CSMD1: variants seen among roughly 807,000 people sequenced by gnomAD.
CSMD1 encodes the protein CUB and sushi domain-containing protein 1.
Under a neutral mutation model 417.5 loss-of-function variants are expected in CSMD1, and 213 were observed. The observed-to-expected ratio is 0.51, with a 90% CI of 0.46 to 0.57. The LOEUF is 0.57. CSMD1 is among the 20% of genes least tolerant of loss of function. CSMD1 has a pLI of 0.00. For missense variants in CSMD1, 6,923 were observed against 4,529.7 expected (o/e 1.53, Z -15.17); for synonymous variants, 2,862 against 1,736.8 (o/e 1.65, Z -16.11).
chr8:4,453,837 T>TTTG, intron 2 of CSMD1, among the ~76,000 whole-genome samples: 1 of 138,816 alleles, frequency 7.2e-6, no homozygotes, highest in Non-Finnish European at 1.5e-5. Flanking sequence ...TTTTTTTTTT[T>TTTG]TTGAGACAGA....
At position 4,288,893 on chromosome 8, in the gene CSMD1, A is replaced by G. The variant is rs57290983; in HGVS notation, c.415+131060T>C. On this transcript the variant is annotated intron_variant, in intron 3 of 69. Transcript: ENST00000635120. ...TTTTAAGAGTAAATATTAGTTACTT[A>G]ACAACTACTTTTAAAGTCCTCATTC... 3.1e-3 allele frequency among the ~76,000 whole-genome samples: 474 copies of G among 152,314 alleles called. 3 individuals carry two copies. Among genetic ancestry groups the G allele is most frequent in the African/African-American group, 0.011 (447 of 41,560 alleles).
At chr8:3,750,466 GTTGTC>G (rs1415090146) in intron 6 of CSMD1, among the ~76,000 whole-genome samples, 2 of 151,772 alleles carry the variant, frequency 1.3e-5, no homozygotes, top group Admixed American at 6.6e-5. Flanking sequence ...AATTATTATT[GTTGTC>G]TTATTAGTCC....
chr8:4,416,198 A>T (rs1238856601), intron 3 of CSMD1, among the ~76,000 whole-genome samples: 1 of 152,182 alleles, frequency 6.6e-6, no homozygotes, highest in Non-Finnish European at 1.5e-5. Context: ...CACTGTTTTG[A>T]TTCAGAGCTG....
At chr8:4,916,178 T>C (rs376371063) in intron 1 of CSMD1, among the ~76,000 whole-genome samples, 2 of 152,014 alleles carry the variant, frequency 1.3e-5, no homozygotes, top group Admixed American at 6.6e-5. Flanking sequence ...GAAAGTAGAG[T>C]CCTCTCCATG....
chr8:3,678,668 A>T (rs1414117465), intron 7 of CSMD1, among the ~76,000 whole-genome samples: 1 of 152,158 alleles, frequency 6.6e-6, no homozygotes, highest in African/African-American at 2.4e-5. Context: ...CAACATGCAA[A>T]TTCAGGAAAC....
At chr8:3,221,783 G>C (rs891705830) in intron 28 of CSMD1, among the ~76,000 whole-genome samples, 1 of 151,960 alleles carries the variant, frequency 6.6e-6, no homozygotes, top group African/African-American at 2.4e-5. Context: ...CAATCCACAG[G>C]GACGTGTAAT....
rs991195326 is a variant in CSMD1, at chr8:3,294,437, C to T, written c.3951-10091G>A. 2.0e-5 allele frequency among the ~76,000 whole-genome samples: 3 copies of T among 152,322 alleles called. No individual in the cohort carries two copies. The East Asian group carries it at 5.8e-4, about 29-fold the overall frequency. The stretch of plus-strand genomic sequence containing the variant: ...CCTGCAGAGGTGGAGTCTACAGAGG[C>T]AGGCAGGCTTCCTTGAGCTGTGGTG... On this transcript the variant is annotated intron_variant, in intron 25 of 69. Transcript: ENST00000635120.
At chr8:4,861,350 T>C (rs1436877344) in intron 1 of CSMD1, among the ~76,000 whole-genome samples, 1 of 152,108 alleles carries the variant, frequency 6.6e-6, no homozygotes, top group African/African-American at 2.4e-5. Flanking sequence ...CATTTCAGGC[T>C]TTATGGGTTC....
chr8:4,132,136 A>G (rs934505486), intron 3 of CSMD1, among the ~76,000 whole-genome samples: 2 of 151,764 alleles, frequency 1.3e-5, no homozygotes, highest in East Asian at 1.9e-4. Context: ...AGTAAGAACG[A>G]CATTTCTACA....
chr8:4,499,617 A>C (rs1260635426), intron 2 of CSMD1, among the ~76,000 whole-genome samples: 1 of 152,254 alleles, frequency 6.6e-6, no homozygotes, highest in Non-Finnish European at 1.5e-5. Flanking sequence ...AGTGGAATAC[A>C]TTATTACTTC....
chr8:4,056,328 C>A (rs1330891705), intron 3 of CSMD1, among the ~76,000 whole-genome samples: 1 of 151,622 alleles, frequency 6.6e-6, no homozygotes, highest in East Asian at 1.9e-4. Context: ...GGTGATCCAC[C>A]CGCGTCAGCC....
intron 1 of CSMD1, among the ~76,000 whole-genome samples, chr8:4,724,319 C>G (rs1246405890): frequency 6.6e-6 from 1 of 152,030 alleles, no homozygotes; most frequent in Non-Finnish European, 1.5e-5. Flanking sequence ...ATCTATATCA[C>G]TACTGATTAT....
At position 4,392,954 on chromosome 8, in the gene CSMD1, G is replaced by T. The variant is rs182254552; in HGVS notation, c.415+26999C>A. ...ACTGCACTCCAGACTGGGCAACACG[G>T]TGGGACACTGTGTCAAAAATAAAAA... On this transcript the variant is annotated intron_variant, in intron 3 of 69. Transcript: ENST00000635120. Among the ~76,000 whole-genome samples, 64 of 152,074 alleles carry T rather than the reference G, an allele frequency of 4.2e-4. 3 individuals carry two copies. The East Asian group carries it at 0.012, about 29-fold the overall frequency.
intron 3 of CSMD1, among the ~76,000 whole-genome samples, chr8:4,379,449 G>C (rs566153293): frequency 6.6e-6 from 1 of 152,168 alleles, no homozygotes; most frequent in African/African-American, 2.4e-5. Flanking sequence ...AGTTAATAAT[G>C]CTGTGTCAAC....
At chr8:3,097,132 G>C in intron 46 of CSMD1, 95 bp from the exon 47 acceptor site, 6 of 1,033,316 alleles carry the variant, frequency 5.8e-6, no homozygotes, top group Non-Finnish European at 8.1e-6. Context: ...GTCAATGAAA[G>C]GAAAAAGCAA....
chr8:4,071,826 T>C (rs1812570), intron 3 of CSMD1, among the ~76,000 whole-genome samples: 20 of 151,714 alleles, frequency 1.3e-4, no homozygotes, highest in East Asian at 3.9e-4. Context: ...CTTCCTGTTG[T>C]GGGGGGGTGG....
In CSMD1 at chr8:3,873,051, C is replaced by T. The variant is rs973292738; in HGVS notation, c.819-119009G>A. Among the ~76,000 whole-genome samples, 3 of 151,958 alleles carry T rather than the reference C, an allele frequency of 2.0e-5. 1 individual carries two copies. The highest frequency in any genetic ancestry group is 4.2e-4 in the South Asian group (2 of 4,786). On this transcript the variant is annotated intron_variant, in intron 5 of 69. Transcript: ENST00000635120. Reference sequence around the variant, plus strand: ...TTGTTGTTATTAAAAAATCAAACAACAACAGATGCTGGCAAGGTTGCAGAT... The same window carrying T: ...TTGTTGTTATTAAAAAATCAAACAATAACAGATGCTGGCAAGGTTGCAGAT...
intron 5 of CSMD1, among the ~76,000 whole-genome samples, chr8:3,786,932 C>G (rs1002639696): frequency 6.6e-6 from 1 of 152,076 alleles, no homozygotes; most frequent in Non-Finnish European, 1.5e-5. Context: ...AGGATTTCAA[C>G]CCAGGAATTT....
intron 3 of CSMD1, among the ~76,000 whole-genome samples, chr8:4,404,751 C>T (rs947048881): frequency 6.6e-6 from 1 of 151,750 alleles, no homozygotes; most frequent in African/African-American, 2.4e-5. Flanking sequence ...ATTTGGATGG[C>T]ACATATAAAT....
Sources: allele counts gnomAD v4.1 joint callset (sites outside exome capture counted in the v4.1 genomes callset), GRCh38; gene constraint gnomAD v4.1.1; transcripts MANE v1.5; gene names NCBI Gene and HGNC (gene_info 2026-07-23, HGNC 2026-07-21).